SEMA6A: variants seen among roughly 807,000 people sequenced by gnomAD.
The protein encoded by SEMA6A is semaphorin-6A.
Under a neutral mutation model 96.8 loss-of-function variants are expected in SEMA6A, and 25 were observed. That is an observed-to-expected ratio of 0.26 (90% CI 0.19 to 0.36). SEMA6A has a LOEUF of 0.36. SEMA6A is among the 10% of genes least tolerant of loss of function. The pLI is 1.00. For missense variants in SEMA6A, 1,363 were observed against 1,323.1 expected (o/e 1.03, Z -0.47); for synonymous variants, 612 against 518.0 (o/e 1.18, Z -2.46).
intron 18 of SEMA6A, among the ~76,000 whole-genome samples, chr5:116,462,008 G>A (rs973445258): frequency 6.6e-6 from 1 of 152,168 alleles, no homozygotes; most frequent in African/African-American, 2.4e-5. Flanking sequence ...GTCAGGAAAA[G>A]AGGAGAGGCC....
intron 1 of SEMA6A, among the ~76,000 whole-genome samples, chr5:116,537,984 G>T (rs1251205370): frequency 6.6e-6 from 1 of 152,122 alleles, no homozygotes; most frequent in East Asian, 1.9e-4. Context: ...AGACCATCTT[G>T]GCCAACATGG....
At chr5:116,469,433 T>C (rs1240086600) in intron 17 of SEMA6A, 1 of 151,400 alleles carries the variant, frequency 6.6e-6, no homozygotes, top group Admixed American at 6.6e-5. Context: ...TACATTGAGG[T>C]CTAAAACATA....
At chr5:116,456,805 A>C in intron 18 of SEMA6A, among the ~76,000 whole-genome samples, 1 of 152,190 alleles carries the variant, frequency 6.6e-6, no homozygotes, top group East Asian at 1.9e-4. Context: ...CTTCCTTTAA[A>C]GGCCTGCATC....
At chr5:116,466,687 G>T (rs1177972034) in intron 18 of SEMA6A, among the ~76,000 whole-genome samples, 10 of 152,190 alleles carry the variant, frequency 6.6e-5, no homozygotes, top group Admixed American at 5.9e-4. Flanking sequence ...CACAGTGGCT[G>T]CTCTGCCCTT....
chr5:116,509,946 A>T (rs1346314917), intron 1 of SEMA6A, among the ~76,000 whole-genome samples: 1 of 151,704 alleles, frequency 6.6e-6, no homozygotes, highest in Non-Finnish European at 1.5e-5. Context: ...TTCCCTCTAC[A>T]CTCTTTCCTG....
In SEMA6A at chr5:116,545,757, A is replaced by G. The variant is rs1000416382; in HGVS notation, c.-39+28428T>C. Among the ~76,000 whole-genome samples, 60 of 152,208 alleles carry G rather than the reference A, an allele frequency of 3.9e-4. 1 individual carries two copies. Among genetic ancestry groups the G allele is most frequent in the South Asian group, 2.1e-4 (1 of 4,830 alleles). The stretch of plus-strand genomic sequence containing the variant: ...ATACCACCTAGTGGGCTTGGCTGCT[A>G]TGGAAAAATGGCAGCTCCAAATGGG... On this transcript the variant is annotated intron_variant, in intron 1 of 18. Transcript: ENST00000343348.
chr5:116,565,141 TA>T (rs1215448824), intron 1 of SEMA6A, among the ~76,000 whole-genome samples: 5 of 152,044 alleles, frequency 3.3e-5, no homozygotes, highest in African/African-American at 4.8e-5. Flanking sequence ...TTTATTTATT[TA>T]TTTTTTTTGC....
chr5:116,553,265 C>T (rs1053140177), intron 1 of SEMA6A, among the ~76,000 whole-genome samples: 44 of 152,270 alleles, frequency 2.9e-4, no homozygotes, highest in Non-Finnish European at 1.2e-4. Context: ...TAAGTATAAT[C>T]TTAGCCAAAT....
Position 116,571,077 on chromosome 5 carries a change from C to A in SEMA6A, c.-39+3108G>T, listed in dbSNP as rs146617365. ...TGTAAATAAAAAGGTGCACTTATTG[C>A]CGCCTTATCATAACCACTCACTTGA... On this transcript the variant is annotated intron_variant, in intron 1 of 18. Coordinates refer to ENST00000343348, the MANE Select transcript of SEMA6A (RefSeq NM_020796.5). Among the ~76,000 whole-genome samples the A allele has an allele frequency of 5.2e-3, 789 of 152,186 alleles. 8 individuals carry two copies. Among genetic ancestry groups the A allele is most frequent in the African/African-American group, 0.018 (751 of 41,544 alleles).
chr5:116,452,952 T>A (rs1754738042), intron 18 of SEMA6A, among the ~76,000 whole-genome samples: 1 of 152,244 alleles, frequency 6.6e-6, no homozygotes, highest in Non-Finnish European at 1.5e-5. Context: ...AGTGCTTGCA[T>A]ACAACTCTGT....
rs1436489513 is a variant in SEMA6A at position 116,486,843 on chromosome 5, G to C, written c.868C>G (p.His290Asp). 2.5e-6 allele frequency: 4 copies of C among 1,613,708 alleles called. No homozygotes were observed. Among genetic ancestry groups the C allele is most frequent in the South Asian group, 2.2e-5 (2 of 91,084 alleles). ...GCCTGGAGAATGTTGAAATAAAAAT[G>C]AGAGTCTCCAGGAACTGAGCAGTTC... ...RLNCSVPGDS[H>D]FYFNILQAVT... Residue 290 changes from histidine to aspartate, a missense_variant, in exon 10 of 19, where the codon CAT (histidine) becomes GAT (aspartate). This residue lies in a region of SEMA6A where 480 missense variants were observed against 559.5 expected (regional missense o/e 0.86). Coordinates refer to ENST00000343348, the MANE Select transcript of SEMA6A (RefSeq NM_020796.5).
chr5:116,454,825 CGT>C (rs955848229), intron 18 of SEMA6A, among the ~76,000 whole-genome samples: 1 of 150,648 alleles, frequency 6.6e-6, no homozygotes, highest in Non-Finnish European at 1.5e-5. Flanking sequence ...TGTGTGTGCG[CGT>C]GTGTGTGTAT....
At position 116,504,947 on chromosome 5, in the gene SEMA6A, T is replaced by C. The variant is rs1237555551; in HGVS notation, c.-3A>G. On this transcript the variant is annotated 5_prime_UTR_variant, in exon 2 of 19. Transcript: ENST00000343348. ...AGCAGCAAGGCTTCTGACCTCATAGTAGTTCAGCGGGGAGACTTTATTTCT... is the reference window on the plus strand; with the variant it reads ...AGCAGCAAGGCTTCTGACCTCATAGCAGTTCAGCGGGGAGACTTTATTTCT... The C allele has an allele frequency of 1.3e-6, 2 of 1,579,814 alleles. No individual in the cohort carries two copies. The highest frequency in any genetic ancestry group is 2.3e-5 in the East Asian group (1 of 43,574).
intron 1 of SEMA6A, among the ~76,000 whole-genome samples, chr5:116,508,610 G>A (rs1051042156): frequency 6.6e-6 from 1 of 152,148 alleles, no homozygotes; most frequent in Non-Finnish European, 1.5e-5. Context: ...CTGACTCAGA[G>A]AGAAGAAAAC....
rs141107755 is a variant in SEMA6A at position 116,538,274 on chromosome 5, G to A, written c.-38-33292C>T. The stretch of plus-strand genomic sequence containing the variant: ...ATTATGCCTCTGATCCATCTGTATG[G>A]GCTCATTGGTTTGAGTTTTTTTTGC... On this transcript the variant is annotated intron_variant, in intron 1 of 18. Coordinates refer to ENST00000343348, the MANE Select transcript of SEMA6A (RefSeq NM_020796.5). Among the ~76,000 whole-genome samples the A allele has an allele frequency of 8.2e-3, 1,249 of 152,192 alleles. 10 individuals carry two copies. Among genetic ancestry groups the A allele is most frequent in the Non-Finnish European group, 0.012 (845 of 68,016 alleles).
chr5:116,466,286 G>A (rs1436630752), intron 18 of SEMA6A, among the ~76,000 whole-genome samples: 1 of 151,600 alleles, frequency 6.6e-6, no homozygotes, highest in East Asian at 1.9e-4. Flanking sequence ...GCTGAGGCAG[G>A]GAGAATCTCT....
chr5:116,475,542 T>C lies in SEMA6A; in HGVS notation c.1708+3A>G, dbSNP rs1247053237. On this transcript the variant is annotated splice_donor_region_variant and intron_variant, in intron 16 of 18. Coordinates refer to ENST00000343348, the MANE Select transcript of SEMA6A (RefSeq NM_020796.5). ...ATAAAAATGGATAAAAGACTGTACT[T>C]ACTGTGACAGTCCCCCAGACCATCT... is the stretch of plus-strand genomic sequence containing the variant. 6.3e-7 allele frequency: 1 copy of C among 1,593,632 alleles called. No individual in the cohort carries two copies.
intron 17 of SEMA6A, among the ~76,000 whole-genome samples, chr5:116,470,392 A>G (rs927940840): frequency 6.6e-6 from 1 of 152,234 alleles, no homozygotes; most frequent in Admixed American, 6.5e-5. Context: ...CCAATAAGAA[A>G]GGTCACCTTT....
chr5:116,541,857 CAAAA>C (rs775547562), intron 1 of SEMA6A, among the ~76,000 whole-genome samples: 15 of 152,014 alleles, frequency 9.9e-5, no homozygotes, highest in Non-Finnish European at 2.1e-4. Context: ...AACAAACAAA[CAAAA>C]AATAGCGTGA....
Sources: allele counts gnomAD v4.1 joint callset (sites outside exome capture counted in the v4.1 genomes callset), GRCh38; gene constraint gnomAD v4.1.1; regional missense constraint gnomAD v4.1.1; transcripts MANE v1.5; gene names NCBI Gene and HGNC (gene_info 2026-07-23, HGNC 2026-07-21).